The following HMGB1 variants were observed in gnomAD, a reference collection of about 807,000 sequenced individuals.
The protein encoded by HMGB1 is high mobility group protein B1.
For missense variants in HMGB1, 79 were observed against 253.5 expected, an observed-to-expected ratio of 0.31 and a Z score of 4.67; for synonymous variants, 81 against 84.0, an observed-to-expected ratio of 0.96 and a Z score of 0.19.
intron 1 of HMGB1, among the ~76,000 whole-genome samples, chr13:30,555,514 G>T (rs1869650156): frequency 6.6e-6 from 1 of 151,886 alleles, no homozygotes; most frequent in African/African-American, 2.4e-5. Flanking sequence ...CAGTTTCCTG[G>T]GATGGGTTCA....
intron 1 of HMGB1, among the ~76,000 whole-genome samples, chr13:30,600,742 C>T (rs1950390465): frequency 6.6e-6 from 1 of 152,144 alleles, no homozygotes. Flanking sequence ...AAATATAATG[C>T]AAATATTTCA....
chr13:30,508,667 T>G lies in HMGB1; in HGVS notation c.-14-44973A>C, dbSNP rs540000031. On this transcript the variant is annotated intron_variant, in intron 1 of 4. Coordinates refer to the HMGB1 transcript ENST00000405805. ...TGAATATTTTCCTAAAGGTACCTGG[T>G]TTTCTCACCGCCTTTCATTTTGACA... Among the ~76,000 whole-genome samples the G allele has an allele frequency of 4.6e-5, 7 of 152,298 alleles. No individual in the cohort carries two copies. In the South Asian group the frequency reaches 6.2e-4, roughly 14 times the overall value.
At chr13:30,528,532 C>T (rs566682823) in intron 1 of HMGB1, among the ~76,000 whole-genome samples, 2 of 152,080 alleles carry the variant, frequency 1.3e-5, no homozygotes, top group African/African-American at 2.4e-5. Flanking sequence ...ACCAGACGCC[C>T]GCATATGCAG....
intron 1 of HMGB1, among the ~76,000 whole-genome samples, chr13:30,522,772 C>T (rs1370098011): frequency 3.3e-5 from 5 of 150,096 alleles, no homozygotes; most frequent in African/African-American, 1.2e-4. Context: ...TGCTCTATTG[C>T]CCTGGCTTTA....
chr13:30,575,980 T>C (rs906156683), intron 1 of HMGB1, among the ~76,000 whole-genome samples: 1 of 152,118 alleles, frequency 6.6e-6, no homozygotes, highest in Non-Finnish European at 1.5e-5. Context: ...GTGAATATGG[T>C]AAGGACAGAA....
intron 1 of HMGB1, among the ~76,000 whole-genome samples, chr13:30,603,324 G>C (rs142298416): frequency 1.4e-3 from 214 of 152,260 alleles, no homozygotes; most frequent in Non-Finnish European, 2.1e-3. Context: ...CCTGACGGCA[G>C]AATCTCCTCT....
At chr13:30,541,340 T>G (rs1868872514) in intron 1 of HMGB1, among the ~76,000 whole-genome samples, 1 of 152,040 alleles carries the variant, frequency 6.6e-6, no homozygotes, top group Non-Finnish European at 1.5e-5. Flanking sequence ...AAATTAAAAA[T>G]CAGAACAATC....
chr13:30,587,210 C>T (rs192137228), intron 1 of HMGB1, among the ~76,000 whole-genome samples: 1 of 152,154 alleles, frequency 6.6e-6, no homozygotes. Context: ...TTTATAAATA[C>T]AGCATGTGGC....
intron 1 of HMGB1, among the ~76,000 whole-genome samples, chr13:30,508,915 T>C (rs1205009520): frequency 6.6e-6 from 1 of 152,192 alleles, no homozygotes; most frequent in African/African-American, 2.4e-5. Context: ...ATATCTAAAA[T>C]ATATTCATGA....
intron 1 of HMGB1, among the ~76,000 whole-genome samples, chr13:30,492,201 A>G (rs969196633): frequency 2.0e-5 from 3 of 151,512 alleles, no homozygotes; most frequent in African/African-American, 7.3e-5. Flanking sequence ...TGTTAAGTAA[A>G]TGAAAAGGCT....
At chr13:30,554,438 G>C in intron 1 of HMGB1, 1 of 850,884 alleles carries the variant, frequency 1.2e-6, no homozygotes, top group South Asian at 1.3e-5. Flanking sequence ...ATACTGAATG[G>C]GTCTTATTCA....
At chr13:30,604,446 T>C (rs754420281) in intron 1 of HMGB1, among the ~76,000 whole-genome samples, 2 of 152,168 alleles carry the variant, frequency 1.3e-5, no homozygotes, top group African/African-American at 2.4e-5. Context: ...TCACAACTGT[T>C]GGGGCGGAGT....
intron 1 of HMGB1, among the ~76,000 whole-genome samples, chr13:30,483,863 C>T (rs1250465828): frequency 6.6e-6 from 1 of 152,134 alleles, no homozygotes; most frequent in East Asian, 1.9e-4. Context: ...ATCCTCCTGC[C>T]TCAGCCTCTC....
intron 1 of HMGB1, among the ~76,000 whole-genome samples, chr13:30,588,874 G>T (rs900187134): frequency 2.6e-5 from 4 of 151,778 alleles, no homozygotes; most frequent in Non-Finnish European, 5.9e-5. Flanking sequence ...CCGACATCGC[G>T]CCACTGCACT....
In HMGB1 at chr13:30,522,212, A is replaced by G. The variant is rs574782116; in HGVS notation, c.-14-58518T>C. Among the ~76,000 whole-genome samples, 4 of 150,646 alleles carry G rather than the reference A, an allele frequency of 2.7e-5. No individual in the cohort carries two copies. In the East Asian group the frequency reaches 7.9e-4, roughly 30 times the overall value. Reference sequence around the variant, plus strand: ...ACTGCAATCTTGAACTCCTGGACTCAAGTGATCCTCTCACCTCAGCCTCTT... The same window carrying G: ...ACTGCAATCTTGAACTCCTGGACTCGAGTGATCCTCTCACCTCAGCCTCTT... On this transcript the variant is annotated intron_variant, in intron 1 of 4. Coordinates refer to the HMGB1 transcript ENST00000405805.
chr13:30,512,858 C>A (rs76685938), intron 1 of HMGB1, among the ~76,000 whole-genome samples: 1 of 152,060 alleles, frequency 6.6e-6, no homozygotes, highest in African/African-American at 2.4e-5. Context: ...ACTGAGTGCA[C>A]GATTGTAAAA....
chr13:30,458,155 A>G lies in HMGB1; in HGVS notation c.*3202T>C, dbSNP rs1197002886. On this transcript the variant is annotated 3_prime_UTR_variant, in exon 5 of 5. Transcript: ENST00000341423. ...TCTTACTGCTACTGAAAGCTATCAG[A>G]CCCTTTCAGGAGGCGTGTTGTACCA... is the stretch of plus-strand genomic sequence containing the variant. The G allele has an allele frequency of 6.6e-6, 1 of 152,062 alleles. No homozygotes were observed. Among genetic ancestry groups the G allele is most frequent in the Non-Finnish European group, 1.5e-5 (1 of 68,010 alleles). The allele number at this position is 152,062 out of a possible 1,614,324, so 9.4% of individuals were successfully genotyped here. A position where few individuals can be genotyped will look rare whatever the true frequency, so the allele number is the denominator to read the frequency against.
At chr13:30,499,235 C>T (rs888146731) in intron 1 of HMGB1, among the ~76,000 whole-genome samples, 15 of 152,102 alleles carry the variant, frequency 9.9e-5, no homozygotes, top group African/African-American at 3.6e-4. Flanking sequence ...TTGGCTCACA[C>T]TTACAGGTGT....
At chr13:30,462,063 T>C (rs1047776260) in intron 4 of HMGB1, among the ~76,000 whole-genome samples, 1 of 152,276 alleles carries the variant, frequency 6.6e-6, no homozygotes, top group Admixed American at 6.5e-5. Context: ...ATAAGAGTTA[T>C]AGATTTCCTT....
Sources: gnomAD v4.1 joint callset for allele counts (sites outside exome capture counted in the v4.1 genomes callset) on GRCh38, gnomAD v4.1.1 for gene constraint, MANE v1.5 for transcripts, NCBI Gene and HGNC (gene_info 2026-07-23, HGNC 2026-07-21) for gene names.